TEX264: variants seen among roughly 807,000 people sequenced by gnomAD.
TEX264 encodes the protein testis-expressed protein 264.
TEX264 carries 13 observed loss-of-function variants against 23.4 expected under a neutral mutation model. The observed-to-expected ratio is 0.56, with a 90% CI of 0.36 to 0.88. The LOEUF (loss-of-function observed/expected upper bound fraction) is 0.88, where lower values mean the gene tolerates loss of function less well. Among genes scored for constraint, TEX264 ranks in the 40% least tolerant of loss-of-function variants. The pLI is 0.01. For synonymous variants in TEX264, 159 were observed against 170.0 expected, an observed-to-expected ratio of 0.94 and a Z score of 0.50; for missense variants, 340 against 406.8, an observed-to-expected ratio of 0.84 and a Z score of 1.41.
chr3:51,694,058 TCCCTTCCCTTCC>T (rs1702945866), intron 3 of TEX264, among the ~76,000 whole-genome samples: 1 of 122,446 alleles, frequency 8.2e-6, no homozygotes, highest in African/African-American at 3.0e-5. Flanking sequence ...TCCCTTCCCT[TCCCTTCCCTTCC>T]CCTTCCTTCC....
At chr3:51,692,149 G>A (rs1702852763) in intron 3 of TEX264, among the ~76,000 whole-genome samples, 1 of 152,236 alleles carries the variant, frequency 6.6e-6, no homozygotes, top group South Asian at 2.1e-4. Flanking sequence ...CAGGACCCTG[G>A]GGGCTGAAGC....
Position 51,703,654 on chromosome 3 carries a change from G to A in TEX264, c.650-70G>A, listed in dbSNP as rs1703405255. The A allele has an allele frequency of 2.0e-6, 3 of 1,491,336 alleles. No homozygotes were observed. The highest frequency in any genetic ancestry group is 2.7e-6 in the Non-Finnish European group (3 of 1,103,730). 92.4% of individuals were successfully genotyped at this position (1,491,336 alleles called of 1,614,324 possible). The stretch of plus-strand genomic sequence containing the variant: ...ATTATTCATGAGTGCACTGCGTGCT[G>A]AGTTGCCTCTCCCTGGAGGAGGGGG... On this transcript the variant is annotated intron_variant, in intron 4 of 4. Transcript: ENST00000341333. The surrounding 1 kb of genome is among the most constrained non-coding windows in gnomAD (Gnocchi z 4.8).
At chr3:51,694,093 T>G (rs139124059) in intron 3 of TEX264, among the ~76,000 whole-genome samples, 1,832 of 86,022 alleles carry the variant, frequency 0.021, 73 homozygotes, top group African/African-American at 0.072. Flanking sequence ...CCGTCCTTCC[T>G]TCCTTCCTTC....
At chr3:51,679,660 G>A (rs1349490916) in intron 2 of TEX264, among the ~76,000 whole-genome samples, 1 of 152,222 alleles carries the variant, frequency 6.6e-6, no homozygotes, top group Non-Finnish European at 1.5e-5. Context: ...TGGATTTAAT[G>A]AGCTTATGCT....
In TEX264 at chr3:51,686,179, G is replaced by C. The variant is rs1006459461; in HGVS notation, c.480+1545G>C. 6.6e-6 allele frequency among the ~76,000 whole-genome samples: 1 copy of C among 152,178 alleles called. No individual in the cohort carries two copies. The highest frequency in any genetic ancestry group is 1.5e-5 in the Non-Finnish European group (1 of 68,032). The stretch of plus-strand genomic sequence containing the variant: ...TGGATATATTTGGGGACATCAGCCT[G>C]TTGGCAGTATTTGACCTGGGAGGCT... On this transcript the variant is annotated intron_variant, in intron 3 of 4. Coordinates refer to ENST00000341333, the MANE Select transcript of TEX264 (RefSeq NM_015926.6). The surrounding 1 kb of genome is among the most constrained non-coding windows in gnomAD (Gnocchi z 4.1).
chr3:51,678,730 G>A (rs1242925917), intron 2 of TEX264, among the ~76,000 whole-genome samples: 1 of 152,210 alleles, frequency 6.6e-6, no homozygotes, highest in Non-Finnish European at 1.5e-5. Context: ...CATGACCACA[G>A]CCTCACAGAG....
At chr3:51,685,162 C>G (rs1049183187) in intron 3 of TEX264, among the ~76,000 whole-genome samples, 1 of 152,240 alleles carries the variant, frequency 6.6e-6, no homozygotes, top group Non-Finnish European at 1.5e-5. Flanking sequence ...GCAATGCTGG[C>G]AGCCCAACCT....
chr3:51,693,483 T>G (rs1176779008), intron 3 of TEX264, among the ~76,000 whole-genome samples: 1 of 148,908 alleles, frequency 6.7e-6, no homozygotes, highest in African/African-American at 2.5e-5. Flanking sequence ...TATGTTTTTT[T>G]TTTTTTTTTT....
chr3:51,703,398 C>T lies in TEX264; in HGVS notation c.650-326C>T, dbSNP rs1317251048. Among the ~76,000 whole-genome samples the T allele has an allele frequency of 6.6e-6, 1 of 152,102 alleles. No individual in the cohort carries two copies. Among genetic ancestry groups the T allele is most frequent in the Non-Finnish European group, 1.5e-5 (1 of 67,996 alleles). ...CTCCTCACCTCAGGGCTGAGTGGCC[C>T]TTAATAAATGTGGGGGGAGGGCAGC... On this transcript the variant is annotated intron_variant, in intron 4 of 4. Transcript: ENST00000341333. The surrounding 1 kb of genome is among the most constrained non-coding windows in gnomAD (Gnocchi z 4.8).
At chr3:51,676,587 T>C (rs1483101612) in intron 2 of TEX264, among the ~76,000 whole-genome samples, 2 of 152,210 alleles carry the variant, frequency 1.3e-5, no homozygotes, top group East Asian at 3.8e-4. Flanking sequence ...TTCTGTCCCA[T>C]CACTGTCCTG....
chr3:51,697,466 T>C (rs1703107761), intron 3 of TEX264, among the ~76,000 whole-genome samples: 1 of 152,260 alleles, frequency 6.6e-6, no homozygotes. Context: ...GCCAAATGTC[T>C]GCTGCTCTTG....
intron 3 of TEX264, among the ~76,000 whole-genome samples, chr3:51,693,073 A>G (rs962363396): frequency 6.6e-6 from 1 of 152,238 alleles, no homozygotes; most frequent in Non-Finnish European, 1.5e-5. Flanking sequence ...TTAGAGGGAA[A>G]CATTGTTTCC....
In TEX264 at chr3:51,674,319, A is replaced by G. The variant is rs1702155808; in HGVS notation, c.15A>G (p.Leu5=). The G allele has an allele frequency of 1.9e-6, 3 of 1,614,142 alleles. No homozygotes were observed. Among genetic ancestry groups the G allele is most frequent in the Middle Eastern group, 1.6e-4 (1 of 6,062 alleles). MSDL[L]LLGLIGGLTL... is the part of the protein sequence containing the mutation. ...GATCCAGAGCCATGTCGGACCTGCT[A>G]CTACTGGGCCTGATTGGGGGCCTGA... The change falls in exon 2 of 5, where the codon CTA becomes CTG. Residue 5 remains leucine (L), a synonymous_variant. Coordinates refer to ENST00000341333, the MANE Select transcript of TEX264 (RefSeq NM_015926.6).
chr3:51,685,430 G>C (rs753644822), intron 3 of TEX264, among the ~76,000 whole-genome samples: 10 of 152,240 alleles, frequency 6.6e-5, no homozygotes, highest in Non-Finnish European at 1.3e-4. Flanking sequence ...TTCACAGTGA[G>C]GTGGTGAAGA....
chr3:51,673,616 G>A (rs1330076856), intron 1 of TEX264, among the ~76,000 whole-genome samples: 1 of 152,222 alleles, frequency 6.6e-6, no homozygotes, highest in African/African-American at 2.4e-5. Flanking sequence ...TGCTCAGGCC[G>A]CTTTGCTCTG....
At chr3:51,693,638 C>T (rs1702913284) in intron 3 of TEX264, among the ~76,000 whole-genome samples, 1 of 152,108 alleles carries the variant, frequency 6.6e-6, no homozygotes, top group East Asian at 1.9e-4. Context: ...CGACACCACG[C>T]CCAGCTAATT....
At chr3:51,687,388 C>T (rs1042411037) in intron 3 of TEX264, among the ~76,000 whole-genome samples, 1 of 152,186 alleles carries the variant, frequency 6.6e-6, no homozygotes, top group Non-Finnish European at 1.5e-5. Flanking sequence ...GGCCCTGTGC[C>T]TCTCTCAGCC....
At chr3:51,674,227 C>T (rs1702151914) in intron 1 of TEX264, 44 bp from the exon 2 acceptor site, 1 of 1,584,006 alleles carries the variant, frequency 6.3e-7, no homozygotes, top group Non-Finnish European at 8.6e-7. Flanking sequence ...GGCACATTGT[C>T]AGAGTAGGCT....
chr3:51,688,959 C>A (rs1458097579), intron 3 of TEX264, among the ~76,000 whole-genome samples: 1 of 150,986 alleles, frequency 6.6e-6, no homozygotes, highest in Non-Finnish European at 1.5e-5. Context: ...GAGATCCTGC[C>A]TCTAAAAAAA....
Sources: allele counts gnomAD v4.1 joint callset (sites outside exome capture counted in the v4.1 genomes callset), GRCh38; gene constraint gnomAD v4.1.1; non-coding constraint Gnocchi (gnomAD v3.1); transcripts MANE v1.5; gene names NCBI Gene and HGNC (gene_info 2026-07-23, HGNC 2026-07-21).